The following PATJ variants were observed in gnomAD, a reference collection of about 807,000 sequenced individuals.
PATJ encodes the protein PATJ crumbs cell polarity complex component.
A neutral mutation model predicts 224.9 loss-of-function variants in PATJ; 190 were observed. The ratio of observed to expected loss-of-function variants is 0.84; its 90% confidence interval spans 0.75 to 0.95. PATJ has a LOEUF of 0.95. Ranked by LOEUF, PATJ falls within the 40% of genes least tolerant of loss-of-function variation. The pLI, the probability that PATJ is intolerant of heterozygous loss-of-function variation, is 0.00. For synonymous variants in PATJ, 769 were observed against 820.3 expected (o/e 0.94, Z 1.07); for missense variants, 2,121 against 2,270.3 (o/e 0.93, Z 1.34).
chr1:61,936,046 A>G (rs1329519356), intron 27 of PATJ, among the ~76,000 whole-genome samples: 2 of 152,044 alleles, frequency 1.3e-5, no homozygotes, highest in Non-Finnish European at 2.9e-5. Context: ...ATACCATATA[A>G]TTCACCTTCT....
At chr1:61,790,128 C>T (rs1434533082) in intron 8 of PATJ, among the ~76,000 whole-genome samples, 3 of 147,368 alleles carry the variant, frequency 2.0e-5, no homozygotes, top group Non-Finnish European at 3.0e-5. Flanking sequence ...TGCTTGAGGC[C>T]AGGAGTTTGA....
At chr1:62,103,793 C>A (rs1246168815) in intron 33 of PATJ, among the ~76,000 whole-genome samples, 1 of 151,598 alleles carries the variant, frequency 6.6e-6, no homozygotes, top group Non-Finnish European at 1.5e-5. Flanking sequence ...CGCTTCCTTA[C>A]TGTGTGCTCG....
intron 43 of PATJ, among the ~76,000 whole-genome samples, chr1:62,154,982 A>C (rs1327546824): frequency 6.6e-6 from 1 of 152,224 alleles, no homozygotes; most frequent in Admixed American, 6.5e-5. Flanking sequence ...CAGCACAGAA[A>C]CATTCTGGGT....
At chr1:61,801,558 C>G in intron 11 of PATJ, 65 bp from the exon 12 acceptor site, 1 of 1,007,102 alleles carries the variant, frequency 9.9e-7, no homozygotes, top group Non-Finnish European at 1.4e-6. Flanking sequence ...AAATATAGTC[C>G]TCAACAACTA....
At chr1:61,850,411 A>G (rs936852990) in intron 17 of PATJ, among the ~76,000 whole-genome samples, 4 of 152,220 alleles carry the variant, frequency 2.6e-5, no homozygotes. Context: ...TTCTTGAGAA[A>G]GTAACTGTAC....
chr1:61,789,570 T>C (rs571479023), intron 8 of PATJ, among the ~76,000 whole-genome samples: 5 of 152,060 alleles, frequency 3.3e-5, no homozygotes, highest in Non-Finnish European at 7.4e-5. Flanking sequence ...CCGAGCACTT[T>C]GGGAGGATGA....
At chr1:62,094,207 C>A (rs1053135367) in intron 33 of PATJ, among the ~76,000 whole-genome samples, 1 of 151,986 alleles carries the variant, frequency 6.6e-6, no homozygotes, top group Admixed American at 6.6e-5. Flanking sequence ...CCAGTTCCGG[C>A]AACATAGTAA....
intron 31 of PATJ, among the ~76,000 whole-genome samples, chr1:62,063,584 G>A (rs1655912525): frequency 6.6e-6 from 1 of 152,094 alleles, no homozygotes. Context: ...TGAATGCATA[G>A]ATTGCTTTGG....
intron 7 of PATJ, among the ~76,000 whole-genome samples, chr1:61,777,722 T>A (rs1222071888): frequency 8.1e-6 from 1 of 122,748 alleles, no homozygotes; most frequent in South Asian, 2.9e-4. Context: ...TTTTTTTTTT[T>A]TTTTTAGCAT....
intron 17 of PATJ, among the ~76,000 whole-genome samples, chr1:61,846,489 A>G: frequency 6.6e-6 from 1 of 152,358 alleles, no homozygotes; most frequent in South Asian, 2.1e-4. Flanking sequence ...ATAAATTCAT[A>G]TTCTACATTT....
rs184221516 is a variant in PATJ, at chr1:62,158,494, C to T, written c.5503-2414C>T. Among the ~76,000 whole-genome samples the T allele has an allele frequency of 1.1e-3, 159 of 148,402 alleles. 18 individuals carry two copies. The highest frequency in any genetic ancestry group is 6.4e-3 in the Admixed American group (90 of 14,134). ...CAGCACTTTGGGAGGCCAAGGTGGG[C>T]GGATCACGAGGTCAGGAGATTGAGA... On this transcript the variant is annotated intron_variant, in intron 43 of 43. Coordinates refer to ENST00000642238, the MANE Select transcript of PATJ (RefSeq NM_001350145.3).
intron 27 of PATJ, among the ~76,000 whole-genome samples, chr1:61,952,780 T>C (rs1178298472): frequency 6.6e-6 from 1 of 152,246 alleles, no homozygotes; most frequent in Non-Finnish European, 1.5e-5. Flanking sequence ...ACATTTATTA[T>C]CATTATTGTT....
At chr1:62,116,735 T>G in intron 36 of PATJ, 56 bp downstream of exon 36, 1 of 1,521,922 alleles carries the variant, frequency 6.6e-7, no homozygotes, top group Non-Finnish European at 8.9e-7. Flanking sequence ...CAGTGGGAAC[T>G]GTTCCAGTCT....
intron 3 of PATJ, among the ~76,000 whole-genome samples, chr1:61,765,858 T>G (rs1325579743): frequency 6.6e-6 from 1 of 152,192 alleles, no homozygotes; most frequent in Non-Finnish European, 1.5e-5. Flanking sequence ...TACTTACTCA[T>G]AGCAAGCACT....
At chr1:61,755,302 C>G (rs1397856174) in intron 1 of PATJ, among the ~76,000 whole-genome samples, 1 of 145,444 alleles carries the variant, frequency 6.9e-6, no homozygotes, top group African/African-American at 2.6e-5. Flanking sequence ...GAGCAAGACT[C>G]TGTCTCAAAA....
intron 28 of PATJ, among the ~76,000 whole-genome samples, chr1:62,012,044 A>C (rs1439612750): frequency 6.6e-6 from 1 of 151,642 alleles, no homozygotes; most frequent in African/African-American, 2.4e-5. Context: ...AAAAGCAAGC[A>C]AAAAACAAAA....
chr1:61,768,402 G>A (rs947389061), intron 4 of PATJ, among the ~76,000 whole-genome samples: 1 of 151,774 alleles, frequency 6.6e-6, no homozygotes, highest in African/African-American at 2.4e-5. Flanking sequence ...CCCAGGAGGC[G>A]GAGCTTGCAG....
intron 27 of PATJ, among the ~76,000 whole-genome samples, chr1:61,971,885 C>G (rs1364098408): frequency 6.7e-6 from 1 of 149,902 alleles, no homozygotes; most frequent in African/African-American, 2.5e-5. Flanking sequence ...TCTATTTGGG[C>G]GGCTGAAGCA....
At chr1:61,857,856 A>C (rs1663937542) in intron 18 of PATJ, among the ~76,000 whole-genome samples, 1 of 152,096 alleles carries the variant, frequency 6.6e-6, no homozygotes, top group South Asian at 2.1e-4. Context: ...CTCTAAGCCT[A>C]TTTTTTTCAT....
Sources: allele counts gnomAD v4.1 joint callset (sites outside exome capture counted in the v4.1 genomes callset), GRCh38; gene constraint gnomAD v4.1.1; transcripts MANE v1.5; gene names NCBI Gene and HGNC (gene_info 2026-07-23, HGNC 2026-07-21).